DOCK10: variants seen among roughly 807,000 people sequenced by gnomAD.
DOCK10 encodes dedicator of cytokinesis protein 10.
Under a neutral mutation model 280.1 loss-of-function variants are expected in DOCK10, and 145 were observed. The ratio of observed to expected loss-of-function variants is 0.52; its 90% CI spans 0.45 to 0.59. The LOEUF is 0.59. Ranked by LOEUF, DOCK10 falls within the 20% of genes least tolerant of loss-of-function variation. The pLI, the probability that DOCK10 is intolerant of heterozygous loss-of-function variation, is 0.00. For missense variants in DOCK10, 2,368 were observed against 2,651.7 expected (o/e 0.89, Z 2.35); for synonymous variants, 915 against 942.2 (o/e 0.97, Z 0.53).
At chr2:224,992,423 G>T (rs1298476627) in intron 1 of DOCK10, among the ~76,000 whole-genome samples, 1 of 152,116 alleles carries the variant, frequency 6.6e-6, no homozygotes, top group Non-Finnish European at 1.5e-5. Flanking sequence ...TACATTATTT[G>T]CCAGGACTCA....
intron 1 of DOCK10, among the ~76,000 whole-genome samples, chr2:225,026,567 T>C (rs1259834891): frequency 1.3e-5 from 2 of 152,158 alleles, no homozygotes; most frequent in East Asian, 1.9e-4. Flanking sequence ...TAATTGAGCA[T>C]GGTTTTAGTT....
At chr2:224,885,123 C>T (rs1699202250) in intron 7 of DOCK10, among the ~76,000 whole-genome samples, 1 of 152,194 alleles carries the variant, frequency 6.6e-6, no homozygotes, top group Non-Finnish European at 1.5e-5. Flanking sequence ...CCTTAGCCTC[C>T]CCAGTAGCTG....
chr2:224,774,879 T>G, intron 52 of DOCK10, 26 bp downstream of exon 52: 1 of 1,560,390 alleles, frequency 6.4e-7, no homozygotes, highest in Non-Finnish European at 8.7e-7. Context: ...AGGTGCCACA[T>G]GTGTGGCCCG....
At chr2:224,782,362 A>C (rs567453889) in intron 50 of DOCK10, among the ~76,000 whole-genome samples, 1 of 152,318 alleles carries the variant, frequency 6.6e-6, no homozygotes, top group Admixed American at 6.5e-5. Context: ...TTACTTAATT[A>C]ATTCCAGGGG....
intron 1 of DOCK10, among the ~76,000 whole-genome samples, chr2:224,999,232 CTT>C (rs1706356555): frequency 6.8e-6 from 1 of 147,620 alleles, no homozygotes; most frequent in African/African-American, 2.6e-5. Flanking sequence ...TTCTCTCTCT[CTT>C]TCTCTGTCTC....
chr2:224,855,042 C>T lies in DOCK10; in HGVS notation c.1809G>A (p.Arg603=). The change falls in exon 16 of 56, where the codon AGG becomes AGA. Residue 603 remains arginine, a splice_region_variant and synonymous_variant. Transcript: ENST00000258390. The part of the protein sequence containing the change: ...DLVKLVSDYR[R]ADRISKMQTI... ...TCTGCATTTTGCTTATTCTGTCGGC[C>T]CTGTAAGAGTGCATGAGCAAGGACA... The T allele has an allele frequency of 1.9e-6, 3 of 1,565,158 alleles. No homozygotes were observed. Among genetic ancestry groups the T allele is most frequent in the East Asian group, 2.3e-5 (1 of 43,172 alleles).
chr2:224,974,648 G>A (rs920910062), intron 1 of DOCK10, among the ~76,000 whole-genome samples: 13 of 150,466 alleles, frequency 8.6e-5, no homozygotes, highest in South Asian at 2.1e-4. Flanking sequence ...ATTAACAGAC[G>A]TTTTATTAGC....
intron 51 of DOCK10, 46 bp from the exon 52 acceptor site, chr2:224,775,161 G>A (rs761030588): frequency 1.1e-5 from 18 of 1,567,768 alleles, no homozygotes; most frequent in South Asian, 6.7e-5. Flanking sequence ...GCCCTGGAGC[G>A]CTCTGAAAGC....
chr2:224,869,733 G>A (rs548042373), intron 11 of DOCK10, among the ~76,000 whole-genome samples: 8 of 152,266 alleles, frequency 5.3e-5, no homozygotes, highest in Admixed American at 2.6e-4. Flanking sequence ...TTGGTTCTCT[G>A]TACTTGGCTG....
chr2:224,855,704 A>G (rs1037862250), intron 15 of DOCK10, among the ~76,000 whole-genome samples: 2 of 152,196 alleles, frequency 1.3e-5, no homozygotes, highest in African/African-American at 4.8e-5. Flanking sequence ...AGCTGCTGGT[A>G]ACAGTCGCAA....
At chr2:224,928,645 C>T (rs977777808) in intron 2 of DOCK10, among the ~76,000 whole-genome samples, 2 of 152,126 alleles carry the variant, frequency 1.3e-5, no homozygotes, top group Admixed American at 1.3e-4. Context: ...TAACACTATC[C>T]TTTTGTTTGT....
chr2:225,016,609 ATATATC>A (rs1689603373), intron 1 of DOCK10, among the ~76,000 whole-genome samples: 2 of 95,370 alleles, frequency 2.1e-5, no homozygotes, highest in Non-Finnish European at 4.6e-5. Flanking sequence ...ACATAGATAC[ATATATC>A]TATGTGCACA....
Position 224,770,364 on chromosome 2 carries a change from T to G in DOCK10, c.6306-15A>C. 1 of 1,580,662 alleles carries G rather than the reference T, an allele frequency of 6.3e-7. No individual in the cohort carries two copies. The highest frequency in any genetic ancestry group is 8.6e-7 in the Non-Finnish European group (1 of 1,163,190). On this transcript the variant is annotated splice_polypyrimidine_tract_variant and intron_variant, in intron 54 of 55. Coordinates refer to ENST00000258390, the MANE Select transcript of DOCK10 (RefSeq NM_014689.3). The surrounding 1 kb of genome is among the most constrained non-coding windows in gnomAD (Gnocchi z 4.5). Reference sequence around the variant, plus strand: ...CTGCAAATTGCCTTTAGCGACAGCATTAAACAAATTAAAAACCAGCCCTCG... The same window carrying G: ...CTGCAAATTGCCTTTAGCGACAGCAGTAAACAAATTAAAAACCAGCCCTCG...
intron 11 of DOCK10, among the ~76,000 whole-genome samples, chr2:224,866,775 T>C (rs575428954): frequency 3.3e-4 from 50 of 152,310 alleles, no homozygotes; most frequent in African/African-American, 1.1e-3. Flanking sequence ...TGGGTTTTGC[T>C]CTTACGATAA....
chr2:224,885,596 T>C lies in DOCK10; in HGVS notation c.747+75A>G, dbSNP rs1024292267. The C allele has an allele frequency of 4.9e-6, 7 of 1,422,920 alleles. No homozygotes were observed. In the African/African-American group the frequency reaches 8.7e-5, roughly 18 times the overall value. 88.1% of individuals were successfully genotyped at this position (1,422,920 alleles called of 1,614,324 possible). On this transcript the variant is annotated intron_variant, in intron 7 of 55. Transcript: ENST00000258390. ...AGAGCAGCTCTTGGCTCATATCAGA[T>C]ACTCCATGAATATTTGTTAAATATA...
At chr2:224,982,066 T>C (rs1365616653) in intron 1 of DOCK10, 2 of 539,724 alleles carry the variant, frequency 3.7e-6, no homozygotes, top group African/African-American at 3.9e-5. Context: ...TCCGAAAGAT[T>C]TTCCCCAAAC....
At chr2:224,790,173 C>T (rs1692066833) in intron 47 of DOCK10, among the ~76,000 whole-genome samples, 3 of 152,234 alleles carry the variant, frequency 2.0e-5, no homozygotes, top group African/African-American at 7.2e-5. Context: ...AGGTCTGTCT[C>T]TACAGATACA....
At chr2:225,040,609 G>C (rs1246807536) in intron 1 of DOCK10, among the ~76,000 whole-genome samples, 1 of 151,806 alleles carries the variant, frequency 6.6e-6, no homozygotes, top group African/African-American at 2.4e-5. Context: ...AAAATTCTAG[G>C]AGGATCTACA....
intron 50 of DOCK10, among the ~76,000 whole-genome samples, chr2:224,781,147 T>A (rs1308279274): frequency 2.0e-5 from 3 of 152,242 alleles, no homozygotes; most frequent in Non-Finnish European, 4.4e-5. Flanking sequence ...ATTTGAGTTC[T>A]GGCTTTTATG....
Sources: allele counts gnomAD v4.1 joint callset (sites outside exome capture counted in the v4.1 genomes callset), GRCh38; gene constraint gnomAD v4.1.1; non-coding constraint Gnocchi (gnomAD v3.1); transcripts MANE v1.5; gene names NCBI Gene and HGNC (gene_info 2026-07-23, HGNC 2026-07-21).